Variants in GRAP2 observed in about 807,000 individuals in gnomAD.
GRAP2 encodes GRB2-related adapter protein 2.
A neutral mutation model predicts 43.5 loss-of-function variants in GRAP2; 31 were observed. That is an observed-to-expected ratio of 0.71 (90% CI 0.54 to 0.96). The LOEUF (loss-of-function observed/expected upper bound fraction) is 0.96, where lower values mean the gene tolerates loss of function less well. Ranked by LOEUF, GRAP2 falls within the 40% of genes least tolerant of loss-of-function variation. The probability of loss-of-function intolerance (pLI) is 0.00; values close to 1 mark genes in which losing one functional copy is unlikely to be tolerated. For missense variants in GRAP2, 371 were observed against 424.4 expected (o/e 0.87, Z 1.11); for synonymous variants, 156 against 164.8 (o/e 0.95, Z 0.41).
intron 4 of GRAP2, among the ~76,000 whole-genome samples, chr22:39,962,950 C>T (rs1474573284): frequency 1.4e-4 from 22 of 152,066 alleles, no homozygotes; most frequent in African/African-American, 4.8e-4. Context: ...ATTACAGGCG[C>T]GACCCACTGT....
chr22:39,905,218 C>T (rs576213799), intron 1 of GRAP2, among the ~76,000 whole-genome samples: 51 of 152,216 alleles, frequency 3.4e-4, no homozygotes, highest in East Asian at 1.2e-3. Context: ...AACTCTCACC[C>T]GGTGACTTTA....
At chr22:39,895,123 A>G in the GRAP2 span, among the ~76,000 whole-genome samples, 4 of 152,328 alleles carry the variant, frequency 2.6e-5, no homozygotes, top group African/African-American at 7.2e-5. Flanking sequence ...GGGAAGTTGG[A>G]TCATGAAGAA....
intron 1 of GRAP2, among the ~76,000 whole-genome samples, chr22:39,939,110 G>A (rs1185329330): frequency 1.4e-4 from 21 of 152,208 alleles, no homozygotes; most frequent in Admixed American, 1.4e-3. Context: ...CAGCCAACTA[G>A]CCAGAAAGGG....
chr22:39,970,218 C>T (rs1291233273), intron 7 of GRAP2, among the ~76,000 whole-genome samples: 1 of 152,124 alleles, frequency 6.6e-6, no homozygotes, highest in Non-Finnish European at 1.5e-5. Flanking sequence ...TAGGCTCAAG[C>T]GATCCTCCTG....
At chr22:39,927,883 G>A (rs1456800466) in intron 1 of GRAP2, among the ~76,000 whole-genome samples, 1 of 152,184 alleles carries the variant, frequency 6.6e-6, no homozygotes, top group Non-Finnish European at 1.5e-5. Flanking sequence ...TCTCAGGCCT[G>A]CCTTCCTGGA....
intron 5 of GRAP2, 80 bp downstream of exon 5, chr22:39,966,238 A>G (rs1219474510): frequency 9.1e-7 from 1 of 1,095,134 alleles, no homozygotes; most frequent in Non-Finnish European, 1.4e-6. Flanking sequence ...GGAAAAATGC[A>G]TAGGATGGGT....
chr22:39,901,675 G>A (rs985043548), intron 1 of GRAP2, among the ~76,000 whole-genome samples: 1 of 152,192 alleles, frequency 6.6e-6, no homozygotes, highest in African/African-American at 2.4e-5. Flanking sequence ...AATCCAAATT[G>A]GAAGGGATTG....
intron 3 of GRAP2, among the ~76,000 whole-genome samples, chr22:39,956,972 C>T (rs2067060195): frequency 6.6e-6 from 1 of 152,096 alleles, no homozygotes; most frequent in Non-Finnish European, 1.5e-5. Flanking sequence ...CAGACACTCC[C>T]TGCCTTCAGT....
rs73428111 is a variant in GRAP2 at position 39,907,038 on chromosome 22, C to T, written c.-15+5708C>T. ...TCTGATAGCTGAAAAGGCTCTCCTC[C>T]GCTAAATAGATTTGTTTGAAAATAT... is the stretch of plus-strand genomic sequence containing the variant. On this transcript the variant is annotated intron_variant, in intron 1 of 7. Transcript: ENST00000344138. 6.7e-3 allele frequency among the ~76,000 whole-genome samples: 1,023 copies of T among 152,192 alleles called. 10 individuals carry two copies. The highest frequency in any genetic ancestry group is 0.023 in the African/African-American group (965 of 41,518).
rs538007594 is a variant in GRAP2, at chr22:39,917,838, A to G, written c.-15+16508A>G. Among the ~76,000 whole-genome samples, 39 of 152,306 alleles carry G rather than the reference A, an allele frequency of 2.6e-4. No homozygotes were observed. In the East Asian group the frequency reaches 7.3e-3, roughly 29 times the overall value. Reference sequence around the variant, plus strand: ...ATTTCGTAGGCCCTTTCTTGCTCACATATTTGATTCGTATAAGGATCCAAA... The same window carrying G: ...ATTTCGTAGGCCCTTTCTTGCTCACGTATTTGATTCGTATAAGGATCCAAA... On this transcript the variant is annotated intron_variant, in intron 1 of 7. Transcript: ENST00000344138.
At chr22:39,944,177 A>G (rs1477689510) in intron 1 of GRAP2, among the ~76,000 whole-genome samples, 1 of 152,234 alleles carries the variant, frequency 6.6e-6, no homozygotes, top group Non-Finnish European at 1.5e-5. Flanking sequence ...TCTCCAATGC[A>G]GTATGTAGTG....
chr22:39,923,565 T>A lies in GRAP2; in HGVS notation c.-15+22235T>A, dbSNP rs138171646. Among the ~76,000 whole-genome samples the A allele has an allele frequency of 3.9e-5, 6 of 152,338 alleles. No individual in the cohort carries two copies. The East Asian group carries it at 1.2e-3, about 29-fold the overall frequency. On this transcript the variant is annotated intron_variant, in intron 1 of 7. Coordinates refer to ENST00000344138, the MANE Select transcript of GRAP2 (RefSeq NM_004810.4). The stretch of plus-strand genomic sequence containing the variant: ...AAGCTTTCTGAAGCCAGGGATTTTG[T>A]CTCTTTTGTCCTCATCTCCATTCCT...
upstream of GRAP2, among the ~76,000 whole-genome samples, chr22:39,897,508 GTA>G: frequency 6.8e-6 from 1 of 147,632 alleles, no homozygotes; most frequent in East Asian, 2.0e-4. Flanking sequence ...GACTATGAAA[GTA>G]GCCTCTTTTT....
At chr22:39,918,082 A>G (rs2066618038) in intron 1 of GRAP2, among the ~76,000 whole-genome samples, 1 of 152,248 alleles carries the variant, frequency 6.6e-6, no homozygotes, top group Admixed American at 6.5e-5. Flanking sequence ...GAGAATGAAT[A>G]TTCTGTAAGA....
rs185652508 is a variant in GRAP2 at position 39,905,036 on chromosome 22, A to T, written c.-15+3706A>T. On this transcript the variant is annotated intron_variant, in intron 1 of 7. Coordinates refer to ENST00000344138, the MANE Select transcript of GRAP2 (RefSeq NM_004810.4). ...GAGGTACAGAATGCCAGGTTGTTCC[A>T]CTGTGCATGATGCCAAGTTTGATCA... Among the ~76,000 whole-genome samples the T allele has an allele frequency of 2.6e-5, 4 of 152,290 alleles. No individual in the cohort carries two copies. The East Asian group carries it at 5.8e-4, about 22-fold the overall frequency.
intron 1 of GRAP2, among the ~76,000 whole-genome samples, chr22:39,938,958 C>G (rs2066836225): frequency 6.6e-6 from 1 of 152,100 alleles, no homozygotes; most frequent in Non-Finnish European, 1.5e-5. Context: ...ATGTGTTCAC[C>G]CCTGCCGCTC....
At chr22:39,893,861 C>T in the GRAP2 span, 1 of 152,218 alleles carries the variant, frequency 6.6e-6, no homozygotes, top group African/African-American at 2.4e-5. Flanking sequence ...TTGCAGATAC[C>T]TGAGCTGGAG....
chr22:39,931,989 T>G (rs527510446), intron 1 of GRAP2, among the ~76,000 whole-genome samples: 9 of 152,292 alleles, frequency 5.9e-5, no homozygotes, highest in African/African-American at 2.2e-4. Context: ...ATTATATACT[T>G]CTATTCCAAA....
chr22:39,944,187 G>A (rs1569206303), intron 1 of GRAP2, among the ~76,000 whole-genome samples: 1 of 152,130 alleles, frequency 6.6e-6, no homozygotes, highest in Non-Finnish European at 1.5e-5. Context: ...AGTATGTAGT[G>A]GTGGCAGGTA....
Sources: allele counts gnomAD v4.1 joint callset (sites outside exome capture counted in the v4.1 genomes callset), GRCh38; gene constraint gnomAD v4.1.1; transcripts MANE v1.5; gene names NCBI Gene and HGNC (gene_info 2026-07-23, HGNC 2026-07-21).